Variants in MAP3K13 observed in about 807,000 individuals in gnomAD.
The protein encoded by MAP3K13 is leucine zipper-bearing kinase.
Under a neutral mutation model 104.0 loss-of-function variants are expected in MAP3K13, and 52 were observed. That is an observed-to-expected ratio of 0.50 (90% CI 0.40 to 0.63). MAP3K13 has a LOEUF of 0.63. Among genes scored for constraint, MAP3K13 ranks in the 20% least tolerant of loss-of-function variants. The pLI, the probability that MAP3K13 is intolerant of heterozygous loss-of-function variation, is 0.00. For synonymous variants in MAP3K13, 394 were observed against 442.2 expected, an observed-to-expected ratio of 0.89 and a Z score of 1.37; for missense variants, 914 against 1,218.5, an observed-to-expected ratio of 0.75 and a Z score of 3.72.
rs115235148 is a variant in MAP3K13, at chr3:185,379,078, G to A, written c.-86+15710G>A. On this transcript the variant is annotated intron_variant, in intron 1 of 13. Transcript: ENST00000265026. ...GGGTAGAGACACGGAGAAAGGGGGC[G>A]GGCAGCAGCCCCAGGCTGCAGCGTG... is the stretch of plus-strand genomic sequence containing the variant. Among the ~76,000 whole-genome samples, 1,277 of 152,232 alleles carry A rather than the reference G, an allele frequency of 8.4e-3. 13 individuals are homozygous for A. The highest frequency in any genetic ancestry group is 0.028 in the African/African-American group (1,172 of 41,540).
At chr3:185,364,482 C>A (rs1397045938) in intron 1 of MAP3K13, among the ~76,000 whole-genome samples, 1 of 152,204 alleles carries the variant, frequency 6.6e-6, no homozygotes, top group Non-Finnish European at 1.5e-5. Context: ...TTCTTATAAT[C>A]CAGGCTGCCA....
At chr3:185,291,811 C>A in intron 2 of MAP3K13, 1 of 1,309,122 alleles carries the variant, frequency 7.6e-7, no homozygotes, top group Non-Finnish European at 9.7e-7. Flanking sequence ...TTTTATATCC[C>A]TTCCTCTGAC....
chr3:185,455,224 G>GATATATATGAGATATATATATA (rs1716417939), intron 7 of MAP3K13, among the ~76,000 whole-genome samples: 1 of 45,072 alleles, frequency 2.2e-5, no homozygotes, highest in Non-Finnish European at 4.7e-5. Context: ...ATATATATAT[G>GATATATATGAGATATATATATA]ATATATATGA....
intron 2 of MAP3K13, among the ~76,000 whole-genome samples, chr3:185,306,106 T>G (rs1721281413): frequency 6.6e-6 from 1 of 152,248 alleles, no homozygotes. Context: ...GCAAAGAACA[T>G]GATTTCATCC....
intron 1 of MAP3K13, among the ~76,000 whole-genome samples, chr3:185,368,417 G>A (rs1723993412): frequency 6.6e-6 from 1 of 152,162 alleles, no homozygotes; most frequent in Non-Finnish European, 1.5e-5. Context: ...AAAATCTTCT[G>A]TAGCACTGCT....
chr3:185,354,236 A>G (rs932241637), intron 2 of MAP3K13, among the ~76,000 whole-genome samples: 2 of 151,378 alleles, frequency 1.3e-5, no homozygotes, highest in Non-Finnish European at 2.9e-5. Context: ...TCCCTAAGGG[A>G]CAGGACATAT....
At chr3:185,353,256 T>C (rs1723204494) in intron 2 of MAP3K13, among the ~76,000 whole-genome samples, 1 of 152,184 alleles carries the variant, frequency 6.6e-6, no homozygotes, top group Non-Finnish European at 1.5e-5. Flanking sequence ...GAACAATTTG[T>C]GAACTTGGCA....
intron 10 of MAP3K13, among the ~76,000 whole-genome samples, chr3:185,469,202 T>G (rs1717632640): frequency 6.6e-6 from 1 of 152,170 alleles, no homozygotes; most frequent in Non-Finnish European, 1.5e-5. Context: ...AGCCCAGGTT[T>G]CAGTTTATGT....
chr3:185,302,172 G>A (rs938659044), intron 2 of MAP3K13, among the ~76,000 whole-genome samples: 4 of 151,776 alleles, frequency 2.6e-5, no homozygotes, highest in African/African-American at 9.7e-5. Context: ...GGAGGCCAAG[G>A]CGGGTGGATT....
At chr3:185,380,183 C>G (rs1724636775) in intron 1 of MAP3K13, among the ~76,000 whole-genome samples, 1 of 105,868 alleles carries the variant, frequency 9.4e-6, no homozygotes, top group South Asian at 3.1e-4. Context: ...GAGGCTCCGT[C>G]TCAAAAAACA....
chr3:185,363,917 C>G (rs551253239), intron 1 of MAP3K13, among the ~76,000 whole-genome samples: 1 of 152,274 alleles, frequency 6.6e-6, no homozygotes, highest in Admixed American at 6.5e-5. Flanking sequence ...ATGACGGGAG[C>G]CATAGTGGTG....
chr3:185,482,496 G>A lies in MAP3K13; in HGVS notation c.*40G>A, dbSNP rs1560139510. ...TCCTGAAGATCTCGTGACTATACTG[G>A]CATTTCAGATCCACCCCACCCCCAG... On this transcript the variant is annotated 3_prime_UTR_variant, in exon 14 of 14. Transcript: ENST00000265026. This position sits in a 1 kb window ranked among gnomAD's most constrained non-coding sequence, Gnocchi z 4.5. The A allele has an allele frequency of 1.4e-6, 2 of 1,467,334 alleles. No individual in the cohort carries two copies. Among genetic ancestry groups the A allele is most frequent in the Non-Finnish European group, 1.9e-6 (2 of 1,048,688 alleles). 90.9% of individuals were successfully genotyped at this position (1,467,334 alleles called of 1,614,324 possible). A position where few individuals can be genotyped will look rare whatever the true frequency, so the allele number is the denominator to read the frequency against.
chr3:185,466,754 GC>G, intron 9 of MAP3K13, 71 bp from the exon 10 acceptor site: 1 of 1,534,816 alleles, frequency 6.5e-7, no homozygotes, highest in South Asian at 1.1e-5. Context: ...GGTAGAATTA[GC>G]CGGTGAAAAT....
At chr3:185,285,705 G>A in intron 2 of MAP3K13, 3 of 1,335,974 alleles carry the variant, frequency 2.2e-6, no homozygotes, top group Non-Finnish European at 3.1e-6. Context: ...ATTTGCCTAG[G>A]AAATTATAGG....
chr3:185,380,963 T>G lies in MAP3K13; in HGVS notation c.-86+17595T>G, dbSNP rs530804298. On this transcript the variant is annotated intron_variant, in intron 1 of 13. Transcript: ENST00000265026. ...AGGTTTTTTTGTTTTTTTTTTGTTT[T>G]TTTTTGTTTTTCTTTTTGAGATGAA... 2.8e-3 allele frequency among the ~76,000 whole-genome samples: 426 copies of G among 151,638 alleles called. 3 individuals are homozygous for G. Among genetic ancestry groups the G allele is most frequent in the African/African-American group, 9.6e-3 (396 of 41,414 alleles).
intron 3 of MAP3K13, among the ~76,000 whole-genome samples, chr3:185,442,812 C>G (rs140368927): frequency 5.3e-4 from 80 of 151,758 alleles, no homozygotes; most frequent in African/African-American, 1.9e-3. Context: ...GGATTACAAG[C>G]GTGAGCCACC....
chr3:185,301,003 A>G (rs1721084619), intron 2 of MAP3K13, among the ~76,000 whole-genome samples: 2 of 152,018 alleles, frequency 1.3e-5, no homozygotes, highest in Admixed American at 1.3e-4. Flanking sequence ...TTCTATTTTT[A>G]ATTTTTTGAG....
chr3:185,455,257 GAT>G (rs1297923091), intron 7 of MAP3K13, among the ~76,000 whole-genome samples: 2 of 18,500 alleles, frequency 1.1e-4, no homozygotes, highest in African/African-American at 2.5e-4. Context: ...ATATATATGA[GAT>G]ATATGAGATA....
At chr3:185,305,328 A>G (rs1362261463) in intron 2 of MAP3K13, among the ~76,000 whole-genome samples, 10 of 152,162 alleles carry the variant, frequency 6.6e-5, no homozygotes, top group Non-Finnish European at 1.2e-4. Context: ...AAAACATCTT[A>G]TAATTGTAAC....
Sources: gnomAD v4.1 joint callset for allele counts (sites outside exome capture counted in the v4.1 genomes callset) on GRCh38, gnomAD v4.1.1 for gene constraint, Gnocchi (gnomAD v3.1) non-coding constraint, MANE v1.5 for transcripts, NCBI Gene and HGNC (gene_info 2026-07-23, HGNC 2026-07-21) for gene names.